The following TOX2 variants were observed in gnomAD, a reference collection of about 807,000 sequenced individuals.
The protein encoded by TOX2 is granulosa cell HMG box 1.
In TOX2, 15 loss-of-function variants were observed where a neutral mutation model predicts 47.4. The ratio of observed to expected loss-of-function variants is 0.32; its 90% CI spans 0.21 to 0.49. The LOEUF is 0.49. Among genes scored for constraint, TOX2 ranks in the 20% least tolerant of loss-of-function variants. The pLI, the probability that TOX2 is intolerant of heterozygous loss-of-function variation, is 0.99. For synonymous variants in TOX2, 290 were observed against 296.6 expected (o/e 0.98, Z 0.23); for missense variants, 622 against 673.1 (o/e 0.92, Z 0.84).
chr20:43,998,731 C>A (rs2070523953), intron 2 of TOX2, among the ~76,000 whole-genome samples: 1 of 143,582 alleles, frequency 7.0e-6, no homozygotes, highest in African/African-American at 2.6e-5. Flanking sequence ...ATCTATCTAT[C>A]TATCTATCTA....
In TOX2 at chr20:44,006,792, G is replaced by A. The variant is rs776577701; in HGVS notation, c.411G>A (p.Thr137=). The A allele has an allele frequency of 1.2e-5, 19 of 1,612,380 alleles. No homozygotes were observed. Among genetic ancestry groups the A allele is most frequent in the Non-Finnish European group, 1.4e-5 (17 of 1,179,760 alleles). Residue 137 remains threonine (T), a splice_region_variant and synonymous_variant, in exon 3 of 9, where the codon ACG becomes ACA. Transcript: ENST00000341197. ...DSHLLSGQLP[T]IQEMVHSEVA... is the part of the protein sequence containing the mutation. Reference sequence around the variant, plus strand: ...ACCTGCTGTCGGGCCAGCTGCCCACGGTGAGTCCCTATCGCCTGCTGCAGT... The same window carrying A: ...ACCTGCTGTCGGGCCAGCTGCCCACAGTGAGTCCCTATCGCCTGCTGCAGT...
At chr20:44,010,811 C>T (rs1207785783) in intron 3 of TOX2, among the ~76,000 whole-genome samples, 1 of 152,144 alleles carries the variant, frequency 6.6e-6, no homozygotes, top group African/African-American at 2.4e-5. Flanking sequence ...ATATTAGTGT[C>T]TCATGGCTGT....
intron 3 of TOX2, among the ~76,000 whole-genome samples, chr20:44,044,282 G>A: frequency 6.6e-6 from 1 of 152,030 alleles, no homozygotes; most frequent in East Asian, 1.9e-4. Context: ...TGTTGTGGGG[G>A]GCGGTTGTGG....
chr20:44,040,620 T>A (rs770704858), intron 3 of TOX2, among the ~76,000 whole-genome samples: 3 of 152,194 alleles, frequency 2.0e-5, no homozygotes, highest in Non-Finnish European at 4.4e-5. Context: ...TGTGATTAAA[T>A]GAGTCATAAG....
chr20:43,945,956 G>C, intron 1 of TOX2: 1 of 1,613,924 alleles, frequency 6.2e-7, no homozygotes, highest in Non-Finnish European at 8.5e-7. Flanking sequence ...GCGTTCTCTC[G>C]CTGCCTGGGC....
intron 3 of TOX2, among the ~76,000 whole-genome samples, chr20:44,043,581 C>T (rs1471512971): frequency 1.3e-5 from 2 of 152,164 alleles, no homozygotes; most frequent in Admixed American, 6.5e-5. Context: ...TGTAGGTCCA[C>T]GTTGGTCAGG....
intron 2 of TOX2, among the ~76,000 whole-genome samples, chr20:43,975,242 C>G (rs969802713): frequency 6.6e-5 from 10 of 152,014 alleles, no homozygotes; most frequent in South Asian, 2.1e-4. Flanking sequence ...GGCTCTGTGT[C>G]TGCTCTAGGC....
chr20:44,033,164 C>T (rs926885377), intron 3 of TOX2, among the ~76,000 whole-genome samples: 5 of 152,196 alleles, frequency 3.3e-5, no homozygotes, highest in African/African-American at 4.8e-5. Context: ...ATTAGCAATA[C>T]GTACTGACGA....
At chr20:43,922,137 C>T (rs891000886) in intron 1 of TOX2, among the ~76,000 whole-genome samples, 1 of 152,118 alleles carries the variant, frequency 6.6e-6, no homozygotes, top group African/African-American at 2.4e-5. Context: ...AAATGCCTGC[C>T]TTCTATTGTT....
At chr20:44,051,193 G>GCCGCA (rs912773052) in intron 3 of TOX2, 113 bp from the exon 4 acceptor site, 1 of 1,454,002 alleles carries the variant, frequency 6.9e-7, no homozygotes, top group African/African-American at 1.4e-5. Flanking sequence ...CGGAGCAGGA[G>GCCGCA]CCGCACCCAT....
intron 2 of TOX2, among the ~76,000 whole-genome samples, chr20:43,986,567 C>G (rs902234103): frequency 5.9e-5 from 9 of 152,058 alleles, no homozygotes; most frequent in Non-Finnish European, 1.0e-4. Context: ...CAGGTGTGAG[C>G]CACTGTGCCC....
chr20:43,974,339 G>A (rs2070034137), intron 2 of TOX2, among the ~76,000 whole-genome samples: 1 of 152,156 alleles, frequency 6.6e-6, no homozygotes, highest in Non-Finnish European at 1.5e-5. Context: ...GGGCCCCAGG[G>A]AGAGTCCTTA....
At chr20:44,057,703 A>G (rs1272151751) in intron 5 of TOX2, among the ~76,000 whole-genome samples, 5 of 151,724 alleles carry the variant, frequency 3.3e-5, no homozygotes, top group Non-Finnish European at 5.9e-5. Context: ...CAATACCAAA[A>G]TTTAATGGCT....
chr20:43,924,575 C>T (rs552127703), intron 1 of TOX2, among the ~76,000 whole-genome samples: 1 of 152,282 alleles, frequency 6.6e-6, no homozygotes, highest in Non-Finnish European at 1.5e-5. Context: ...TCTGCCCTGC[C>T]CAGCCTCAAT....
chr20:44,066,023 C>T lies in TOX2; in HGVS notation c.1272C>T (p.Ser424=). The change falls in exon 7 of 9, where the codon TCC becomes TCT. Residue 424 remains serine, a synonymous_variant. Coordinates refer to ENST00000341197, the MANE Select transcript of TOX2 (RefSeq NM_001098797.2). The part of the protein sequence containing the change: ...GALLSPPVSM[S]PAPQPPVLPT... ...TCCTCAGTCCACCTGTTAGCATGTC[C>T]CCAGCCCCCCAGCCCCCTGTCCTGC... 6.2e-7 allele frequency: 1 copy of T among 1,602,246 alleles called. No homozygotes were observed. The highest frequency in any genetic ancestry group is 8.5e-7 in the Non-Finnish European group (1 of 1,175,050).
At chr20:44,034,636 C>G (rs1225132892) in intron 3 of TOX2, among the ~76,000 whole-genome samples, 2 of 152,202 alleles carry the variant, frequency 1.3e-5, no homozygotes, top group African/African-American at 2.4e-5. Flanking sequence ...CAGTGGCCAA[C>G]TTCTGGGTCT....
At chr20:43,971,893 TTGAAA>T (rs1373906427) in intron 1 of TOX2, among the ~76,000 whole-genome samples, 1 of 152,204 alleles carries the variant, frequency 6.6e-6, no homozygotes, top group African/African-American at 2.4e-5. Flanking sequence ...TAGACAGTCT[TTGAAA>T]TGATATAAAA....
intron 1 of TOX2, among the ~76,000 whole-genome samples, chr20:43,919,757 A>G (rs1464147417): frequency 2.0e-5 from 3 of 152,152 alleles, no homozygotes. Context: ...CCCACTTATA[A>G]GTGAGAACAT....
intron 6 of TOX2, among the ~76,000 whole-genome samples, 188 bp from the exon 7 acceptor site, chr20:44,065,524 G>C (rs576411468): frequency 6.6e-6 from 1 of 152,214 alleles, no homozygotes; most frequent in South Asian, 2.1e-4. Flanking sequence ...GATAAAAGCA[G>C]TAGGTGACTG....
Sources: gnomAD v4.1 joint callset for allele counts (sites outside exome capture counted in the v4.1 genomes callset) on GRCh38, gnomAD v4.1.1 for gene constraint, MANE v1.5 for transcripts, NCBI Gene and HGNC (gene_info 2026-07-23, HGNC 2026-07-21) for gene names.